Variants in LRP11 observed in about 807,000 individuals in gnomAD.
LRP11 encodes the protein LDL receptor related protein 11.
In LRP11, 25 loss-of-function variants were observed where a neutral mutation model predicts 43.1. The observed-to-expected ratio is 0.58, with a 90% CI of 0.42 to 0.81. The LOEUF is 0.81. Ranked by LOEUF, LRP11 falls within the 30% of genes least tolerant of loss-of-function variation. The pLI is 0.00. For missense variants in LRP11, 623 were observed against 665.1 expected (o/e 0.94, Z 0.70); for synonymous variants, 316 against 299.4 (o/e 1.06, Z -0.57).
rs769794190 is a variant in LRP11 at position 149,836,082 on chromosome 6, T to G, written c.1252+3A>C. ...TCATTGAGAACCCACCGTGAATCCTTACCTGGCATCACAGGAATGATTTGA... is the reference window on the plus strand; with the variant it reads ...TCATTGAGAACCCACCGTGAATCCTGACCTGGCATCACAGGAATGATTTGA... On this transcript the variant is annotated splice_donor_region_variant and intron_variant, in intron 5 of 6. Transcript: ENST00000239367. 3.7e-6 allele frequency: 6 copies of G among 1,613,180 alleles called. No individual in the cohort carries two copies. The East Asian group carries it at 1.3e-4, about 36-fold the overall frequency.
At chr6:149,824,791 C>T (rs529777393) in intron 6 of LRP11, among the ~76,000 whole-genome samples, 1 of 152,334 alleles carries the variant, frequency 6.6e-6, no homozygotes, top group African/African-American at 2.4e-5. Context: ...ACCCGGGAAG[C>T]AGAGGCTGCA....
chr6:149,840,824 C>T (rs1478550435), intron 3 of LRP11, among the ~76,000 whole-genome samples: 1 of 152,180 alleles, frequency 6.6e-6, no homozygotes, highest in Admixed American at 6.5e-5. Context: ...CTCCACTGGT[C>T]CTGGTGGCCA....
chr6:149,847,878 C>T (rs1776662457), intron 2 of LRP11, among the ~76,000 whole-genome samples: 1 of 129,882 alleles, frequency 7.7e-6, no homozygotes, highest in Non-Finnish European at 1.6e-5. Context: ...CACACACACA[C>T]ATTGTATATA....
intron 1 of LRP11, among the ~76,000 whole-genome samples, chr6:149,857,504 CAAAA>C (rs78898379): frequency 7.4e-5 from 9 of 120,824 alleles, no homozygotes; most frequent in Non-Finnish European, 9.1e-5. Flanking sequence ...GTCCCTGTGT[CAAAA>C]AAAAAAAAAA....
At chr6:149,849,518 A>G (rs542022341) in intron 2 of LRP11, among the ~76,000 whole-genome samples, 1 of 152,254 alleles carries the variant, frequency 6.6e-6, no homozygotes, top group South Asian at 2.1e-4. Flanking sequence ...ACACTTTGGG[A>G]GGCCAAGGAG....
chr6:149,849,005 C>T (rs972731491), intron 2 of LRP11, among the ~76,000 whole-genome samples: 12 of 152,170 alleles, frequency 7.9e-5, no homozygotes, highest in South Asian at 4.1e-4. Context: ...CCTCACTAGA[C>T]GCCAAAGCTG....
intron 2 of LRP11, among the ~76,000 whole-genome samples, chr6:149,849,706 C>T (rs1229420929): frequency 1.3e-5 from 2 of 152,202 alleles, no homozygotes; most frequent in Middle Eastern, 3.2e-3. Context: ...CACTGCACTC[C>T]AGCCTGGGCA....
At chr6:149,848,661 T>C (rs1209460600) in intron 2 of LRP11, among the ~76,000 whole-genome samples, 3 of 151,890 alleles carry the variant, frequency 2.0e-5, no homozygotes, top group Non-Finnish European at 4.4e-5. Context: ...TTCTCACTTA[T>C]AAGTGGGAGC....
chr6:149,839,061 G>GTT (rs869148170), intron 3 of LRP11, among the ~76,000 whole-genome samples: 81 of 136,956 alleles, frequency 5.9e-4, no homozygotes, highest in African/African-American at 1.8e-3. Flanking sequence ...GTTTTTTTTT[G>GTT]TTTTTTTTTT....
At chr6:149,861,360 G>T (rs1383725157) in intron 1 of LRP11, among the ~76,000 whole-genome samples, 1 of 152,140 alleles carries the variant, frequency 6.6e-6, no homozygotes, top group Admixed American at 6.5e-5. Context: ...GAGCACAGCA[G>T]TGTTCTCCCA....
At chr6:149,862,428 T>A (rs1330751046) in intron 1 of LRP11, among the ~76,000 whole-genome samples, 1 of 152,198 alleles carries the variant, frequency 6.6e-6, no homozygotes, top group East Asian at 1.9e-4. Flanking sequence ...ATTCCCTCCG[T>A]GACATTCATG....
intron 2 of LRP11, among the ~76,000 whole-genome samples, chr6:149,849,401 A>AT (rs992908626): frequency 3.3e-5 from 5 of 152,254 alleles, no homozygotes; most frequent in African/African-American, 1.2e-4. Context: ...CATAAAATAT[A>AT]TAACTTTAAA....
chr6:149,859,394 A>ATTTTTTTTT (rs1194880373), intron 1 of LRP11, among the ~76,000 whole-genome samples: 11 of 73,872 alleles, frequency 1.5e-4, no homozygotes, highest in African/African-American at 8.9e-4. Flanking sequence ...ATATATATAT[A>ATTTTTTTTT]TATTTTTTTT....
chr6:149,824,423 T>C (rs1032385805), intron 6 of LRP11, among the ~76,000 whole-genome samples: 13 of 152,230 alleles, frequency 8.5e-5, no homozygotes, highest in South Asian at 6.2e-4. Context: ...TTCTTGACTT[T>C]TAATATTTAG....
intron 3 of LRP11, 92 bp from the exon 4 acceptor site, chr6:149,837,555 T>G: frequency 7.5e-7 from 1 of 1,334,388 alleles, no homozygotes; most frequent in Non-Finnish European, 1.0e-6. Context: ...GATGATAAAA[T>G]GCACTTCGGG....
At chr6:149,847,086 C>G (rs537138319) in intron 2 of LRP11, among the ~76,000 whole-genome samples, 1 of 152,136 alleles carries the variant, frequency 6.6e-6, no homozygotes, top group Non-Finnish European at 1.5e-5. Flanking sequence ...CACCCTGTGC[C>G]AGAGCTCCCT....
intron 3 of LRP11, among the ~76,000 whole-genome samples, chr6:149,839,011 A>C (rs1776509923): frequency 6.6e-6 from 1 of 151,790 alleles, no homozygotes. Flanking sequence ...ATGGCTGAGC[A>C]CAGTTCACAA....
chr6:149,854,931 T>C (rs1287107930), intron 1 of LRP11, among the ~76,000 whole-genome samples: 1 of 152,232 alleles, frequency 6.6e-6, no homozygotes, highest in African/African-American at 2.4e-5. Context: ...CCACTCTTGA[T>C]ACATTGCAGC....
chr6:149,835,764 A>C (rs552817164), intron 5 of LRP11, among the ~76,000 whole-genome samples: 3 of 152,338 alleles, frequency 2.0e-5, no homozygotes, highest in African/African-American at 4.8e-5. Flanking sequence ...ACACAAATAC[A>C]TAATGGTTAT....
Sources: gnomAD v4.1 joint callset for allele counts (sites outside exome capture counted in the v4.1 genomes callset) on GRCh38, gnomAD v4.1.1 for gene constraint, MANE v1.5 for transcripts, NCBI Gene and HGNC (gene_info 2026-07-23, HGNC 2026-07-21) for gene names.